FKBP5: variants seen among roughly 807,000 people sequenced by gnomAD.
FKBP5 encodes FKBP prolyl isomerase 5.
A neutral mutation model predicts 50.5 loss-of-function variants in FKBP5; 23 were observed. That is an observed-to-expected ratio of 0.46 (90% CI 0.33 to 0.65). FKBP5 has a LOEUF of 0.65. Among genes scored for constraint, FKBP5 ranks in the 30% least tolerant of loss-of-function variants. The pLI is 0.02. For synonymous variants in FKBP5, 176 were observed against 190.6 expected, an observed-to-expected ratio of 0.92 and a Z score of 0.63; for missense variants, 411 against 553.1, an observed-to-expected ratio of 0.74 and a Z score of 2.58.
chr6:35,636,092 T>C (rs73417664), intron 3 of FKBP5, among the ~76,000 whole-genome samples: 3,663 of 152,306 alleles, frequency 0.024, 125 homozygotes, highest in African/African-American at 0.075. Flanking sequence ...ACATCTTGCA[T>C]TGGTCACTGA....
At chr6:35,668,385 G>A (rs565155482) in intron 1 of FKBP5, among the ~76,000 whole-genome samples, 3 of 152,112 alleles carry the variant, frequency 2.0e-5, no homozygotes, top group South Asian at 4.2e-4. Flanking sequence ...ACAGTTCAGG[G>A]GTAAACACAC....
Position 35,574,325 on chromosome 6 carries a change from T to C in FKBP5, c.*1510A>G, listed in dbSNP as rs1237944493. 6.6e-6 allele frequency: 1 copy of C among 152,212 alleles called. No homozygotes were observed. The highest frequency in any genetic ancestry group is 2.4e-5 in the African/African-American group (1 of 41,450). The allele number at this position is 152,212 out of a possible 1,614,324, so 9.4% of individuals were successfully genotyped here. A position where few individuals can be genotyped will look rare whatever the true frequency, so the allele number is the denominator to read the frequency against. ...TAAAAATAAAAACTAATTTAAAATA[T>C]AACTGCCAGTGTTTTTTAGGATTTA... On this transcript the variant is annotated 3_prime_UTR_variant, in exon 11 of 11. Coordinates refer to ENST00000357266, the MANE Select transcript of FKBP5 (RefSeq NM_004117.4).
chr6:35,611,635 A>G (rs527667682), intron 5 of FKBP5, among the ~76,000 whole-genome samples: 2 of 152,384 alleles, frequency 1.3e-5, no homozygotes, highest in African/African-American at 4.8e-5. Context: ...AGTATCAGTC[A>G]TCATAATCAT....
rs1049665931 is a variant in FKBP5 at position 35,575,290 on chromosome 6, G to C, written c.*545C>G. ...CTTTCACGTCTGTGACACTGCTGTGGAACTGGGGAGACATGAGACCCCTCT... is the reference window on the plus strand; with the variant it reads ...CTTTCACGTCTGTGACACTGCTGTGCAACTGGGGAGACATGAGACCCCTCT... On this transcript the variant is annotated 3_prime_UTR_variant, in exon 11 of 11. Coordinates refer to ENST00000357266, the MANE Select transcript of FKBP5 (RefSeq NM_004117.4). 3 of 153,014 alleles carry C rather than the reference G, an allele frequency of 2.0e-5. No homozygotes were observed. Among genetic ancestry groups the C allele is most frequent in the Non-Finnish European group, 4.4e-5 (3 of 68,390 alleles). The allele number at this position is 153,014 out of a possible 1,614,324, so 9.5% of individuals were successfully genotyped here.
intron 3 of FKBP5, among the ~76,000 whole-genome samples, chr6:35,636,299 C>CA (rs147821739): frequency 0.024 from 3,707 of 152,222 alleles, 145 homozygotes; most frequent in African/African-American, 0.083. Flanking sequence ...AACTTAATGG[C>CA]AAAAAACATT....
chr6:35,588,929 A>AG (rs1396176736), intron 7 of FKBP5, among the ~76,000 whole-genome samples: 9 of 150,626 alleles, frequency 6.0e-5, no homozygotes, highest in African/African-American at 9.8e-5. Flanking sequence ...TTTTGCAGAG[A>AG]GGGGGGTCTC....
chr6:35,673,360 G>A (rs1225129521), intron 1 of FKBP5, among the ~76,000 whole-genome samples: 3 of 152,108 alleles, frequency 2.0e-5, no homozygotes, highest in African/African-American at 7.2e-5. Flanking sequence ...GACCAGCCTA[G>A]GCAACAGAGT....
chr6:35,605,182 A>G (rs147842151), intron 5 of FKBP5, among the ~76,000 whole-genome samples: 28 of 152,140 alleles, frequency 1.8e-4, no homozygotes, highest in Non-Finnish European at 4.0e-4. Context: ...GAAATTCTAC[A>G]TGCTATTCTT....
At chr6:35,624,126 T>A (rs1330000024) in intron 3 of FKBP5, among the ~76,000 whole-genome samples, 1 of 152,114 alleles carries the variant, frequency 6.6e-6, no homozygotes. Context: ...TGGCTTCAAC[T>A]GATTCTTAAC....
At chr6:35,625,071 G>A (rs553468775) in intron 3 of FKBP5, among the ~76,000 whole-genome samples, 1 of 152,252 alleles carries the variant, frequency 6.6e-6, no homozygotes, top group East Asian at 1.9e-4. Flanking sequence ...TAGAATTACT[G>A]GACCAAAAAC....
intron 7 of FKBP5, among the ~76,000 whole-genome samples, chr6:35,587,822 A>T (rs1350491721): frequency 6.6e-6 from 1 of 152,214 alleles, no homozygotes; most frequent in East Asian, 1.9e-4. Flanking sequence ...CTTGCCATTT[A>T]CAAGCTGGAT....
chr6:35,672,929 C>CAA (rs764085096), intron 1 of FKBP5, among the ~76,000 whole-genome samples: 6 of 112,560 alleles, frequency 5.3e-5, no homozygotes, highest in East Asian at 2.4e-4. Context: ...GACTCCGTCT[C>CAA]AAAAAAAAAA....
intron 1 of FKBP5, among the ~76,000 whole-genome samples, chr6:35,680,406 G>A (rs1387806625): frequency 1.3e-5 from 2 of 151,976 alleles, no homozygotes; most frequent in African/African-American, 2.4e-5. Flanking sequence ...CTCCAGACTG[G>A]GCAACAGAAT....
chr6:35,687,132 TCTTAA>T (rs201019629), intron 1 of FKBP5, among the ~76,000 whole-genome samples: 1 of 152,188 alleles, frequency 6.6e-6, no homozygotes, highest in African/African-American at 2.4e-5. Context: ...GCAACTTTGT[TCTTAA>T]CTTAAACTTA....
At chr6:35,646,715 T>C (rs1451835585) in intron 1 of FKBP5, among the ~76,000 whole-genome samples, 2 of 152,192 alleles carry the variant, frequency 1.3e-5, no homozygotes, top group African/African-American at 4.8e-5. Flanking sequence ...GATATTAATC[T>C]ATGATAAAGC....
Position 35,591,136 on chromosome 6 carries a change from G to A in FKBP5, c.750C>T (p.Phe250=), listed in dbSNP as rs148575731. The A allele has an allele frequency of 2.5e-6, 4 of 1,602,904 alleles. No homozygotes were observed. The highest frequency in any genetic ancestry group is 2.7e-5 in the African/African-American group (2 of 74,416). ...GAAGTTGGTATTTTCTCACCTTTTC[G>A]AAGCTCTTAAGTGTAACTTCATATA... is the stretch of plus-strand genomic sequence containing the variant. ...ELIYEVTLKS[F]EKAKESWEMD... is the part of the protein sequence containing the mutation. Residue 250 remains phenylalanine, a synonymous_variant, in exon 7 of 11, where the codon TTC becomes TTT. Transcript: ENST00000357266.
chr6:35,575,748 C>T lies in FKBP5; in HGVS notation c.*87G>A, dbSNP rs1015990261. 5 of 935,228 alleles carry T rather than the reference C, an allele frequency of 5.3e-6. No homozygotes were observed. The highest frequency in any genetic ancestry group is 1.8e-6 in the Non-Finnish European group (1 of 569,532). The allele number at this position is 935,228 out of a possible 1,614,324, so 57.9% of individuals were successfully genotyped here. ...ATCACATAGACTATAACAAACTTTA[C>T]ATTAAACACTGTTCTGTCCTGAGTT... is the stretch of plus-strand genomic sequence containing the variant. On this transcript the variant is annotated 3_prime_UTR_variant, in exon 11 of 11. Coordinates refer to ENST00000357266, the MANE Select transcript of FKBP5 (RefSeq NM_004117.4).
At chr6:35,589,955 T>G (rs1198868262) in intron 7 of FKBP5, among the ~76,000 whole-genome samples, 1 of 152,226 alleles carries the variant, frequency 6.6e-6, no homozygotes, top group African/African-American at 2.4e-5. Context: ...CAATGATTTC[T>G]TTTCTGAATC....
chr6:35,714,273 G>A (rs1197766663), intron 2 of FKBP5, among the ~76,000 whole-genome samples: 6 of 139,736 alleles, frequency 4.3e-5, no homozygotes, highest in Admixed American at 7.3e-5. Context: ...CCAACATGGT[G>A]AAACCCCGTC....
Sources: gnomAD v4.1 joint callset for allele counts (sites outside exome capture counted in the v4.1 genomes callset) on GRCh38, gnomAD v4.1.1 for gene constraint, MANE v1.5 for transcripts, NCBI Gene and HGNC (gene_info 2026-07-23, HGNC 2026-07-21) for gene names.